PROS1: variants seen among roughly 807,000 people sequenced by gnomAD.
The protein encoded by PROS1 is protein S, also known as vitamin K-dependent protein S.
In PROS1, 29 loss-of-function variants were observed where a neutral mutation model predicts 75.9. The ratio of observed to expected loss-of-function variants is 0.38; its 90% CI spans 0.28 to 0.52. The LOEUF is 0.52. Among genes scored for constraint, PROS1 ranks in the 20% least tolerant of loss-of-function variants. PROS1 has a pLI of 0.83. For synonymous variants in PROS1, 245 were observed against 280.6 expected, an observed-to-expected ratio of 0.87 and a Z score of 1.27; for missense variants, 680 against 810.3, an observed-to-expected ratio of 0.84 and a Z score of 1.95.
In PROS1 at chr3:93,906,966, G is replaced by C. The variant is rs578112640; in HGVS notation, c.347-823C>G. Among the ~76,000 whole-genome samples the C allele has an allele frequency of 2.6e-5, 4 of 152,336 alleles. No individual in the cohort carries two copies. In the South Asian group the frequency reaches 8.3e-4, roughly 32 times the overall value. On this transcript the variant is annotated intron_variant, in intron 4 of 14. Coordinates refer to ENST00000394236, the MANE Select transcript of PROS1 (RefSeq NM_000313.4). ...GGAGCTGAGGGGCATGCTGAGGGCA[G>C]CTCAGTGCTGGCCTGCAGGCACCCC...
intron 14 of PROS1, among the ~76,000 whole-genome samples, chr3:93,876,204 C>T (rs561806196): frequency 6.6e-6 from 1 of 152,280 alleles, no homozygotes; most frequent in South Asian, 2.1e-4. Context: ...TAGCACTTAC[C>T]TCACTGGACT....
intron 1 of PROS1, among the ~76,000 whole-genome samples, chr3:93,945,115 G>A (rs1016778910): frequency 6.6e-6 from 1 of 151,908 alleles, no homozygotes; most frequent in African/African-American, 2.4e-5. Context: ...AGAAGAAGTT[G>A]AATCTCTGAA....
intron 12 of PROS1, among the ~76,000 whole-genome samples, chr3:93,880,499 C>CT (rs1708260827): frequency 6.6e-6 from 1 of 151,738 alleles, no homozygotes; most frequent in Non-Finnish European, 1.5e-5. Flanking sequence ...GAGTGAGACT[C>CT]TGTCTCCAAA....
chr3:93,924,656 G>T (rs530770687), intron 2 of PROS1, among the ~76,000 whole-genome samples: 2 of 148,162 alleles, frequency 1.3e-5, no homozygotes, highest in East Asian at 3.9e-4. Flanking sequence ...TCACAGTAAC[G>T]TACTCTCTTT....
At chr3:93,929,782 T>A (rs1468493582) in intron 1 of PROS1, among the ~76,000 whole-genome samples, 14 of 152,270 alleles carry the variant, frequency 9.2e-5, no homozygotes, top group Admixed American at 8.5e-4. Context: ...TATTTTAGCA[T>A]GTTAATACAG....
intron 1 of PROS1, among the ~76,000 whole-genome samples, chr3:93,934,114 A>G (rs1358811636): frequency 6.6e-6 from 1 of 151,294 alleles, no homozygotes; most frequent in Non-Finnish European, 1.5e-5. Flanking sequence ...CAGGAGGCGG[A>G]GGCTGGAGTG....
At chr3:93,882,807 TG>T (rs1197209693) in intron 12 of PROS1, among the ~76,000 whole-genome samples, 9 of 152,052 alleles carry the variant, frequency 5.9e-5, no homozygotes, top group Admixed American at 1.3e-4. Context: ...TCTCTTAATA[TG>T]GTCCTGAAAG....
At chr3:93,907,310 A>T (rs1708690807) in intron 4 of PROS1, among the ~76,000 whole-genome samples, 4 of 152,060 alleles carry the variant, frequency 2.6e-5, no homozygotes, top group African/African-American at 7.2e-5. Context: ...CCTCCCATGT[A>T]CTGGGAGCTG....
At chr3:93,892,247 T>A (rs934628183) in intron 10 of PROS1, among the ~76,000 whole-genome samples, 1 of 152,054 alleles carries the variant, frequency 6.6e-6, no homozygotes, top group Non-Finnish European at 1.5e-5. Context: ...CAAGAATCTC[T>A]TGAACCTAGT....
At position 93,885,955 on chromosome 3, in the gene PROS1, T is replaced by C. The variant is rs1254554856; in HGVS notation, c.1323+381A>G. Among the ~76,000 whole-genome samples the C allele has an allele frequency of 5.3e-5, 8 of 152,282 alleles. No individual in the cohort carries two copies. The East Asian group carries it at 1.5e-3, about 29-fold the overall frequency. Reference sequence around the variant, plus strand: ...AGTCCTTTGACTGGCTTTTACAAAATGGTGTAATTTTGGACTTAAATATAT... The same window carrying C: ...AGTCCTTTGACTGGCTTTTACAAAACGGTGTAATTTTGGACTTAAATATAT... On this transcript the variant is annotated intron_variant, in intron 11 of 14. Coordinates refer to ENST00000394236, the MANE Select transcript of PROS1 (RefSeq NM_000313.4).
chr3:93,973,512 C>T, intron 1 of PROS1, 162 bp downstream of exon 1: 1 of 716,522 alleles, frequency 1.4e-6, no homozygotes, highest in Non-Finnish European at 2.5e-6. Flanking sequence ...CATTGCACTG[C>T]CTGCTCTATC....
At chr3:93,904,647 A>G (rs1326332788) in intron 6 of PROS1, among the ~76,000 whole-genome samples, 3 of 152,148 alleles carry the variant, frequency 2.0e-5, no homozygotes, top group African/African-American at 4.8e-5. Context: ...GCAAACAAAA[A>G]GTACTGGAGG....
Position 93,973,823 on chromosome 3 carries a change from G to A in PROS1, c.-74C>T, listed in dbSNP as rs2107279521. The A allele has an allele frequency of 7.5e-7, 1 of 1,333,972 alleles. No individual in the cohort carries two copies. The highest frequency in any genetic ancestry group is 1.4e-5 in the South Asian group (1 of 73,608). The allele number at this position is 1,333,972 out of a possible 1,614,324, so 82.6% of individuals were successfully genotyped here. ...GGACCGGAGCGCTAGGCGCCGCGGA[G>A]CTGCGAGCCTGTGCGCCTCGGTCTG... On this transcript the variant is annotated 5_prime_UTR_variant, in exon 1 of 15. Coordinates refer to ENST00000394236, the MANE Select transcript of PROS1 (RefSeq NM_000313.4).
At chr3:93,907,405 G>T (rs975460593) in intron 4 of PROS1, among the ~76,000 whole-genome samples, 1 of 152,128 alleles carries the variant, frequency 6.6e-6, no homozygotes, top group Non-Finnish European at 1.5e-5. Flanking sequence ...ACAACCAGCT[G>T]CAGACAGGAG....
At chr3:93,879,850 T>C (rs1708250417) in intron 12 of PROS1, among the ~76,000 whole-genome samples, 1 of 152,192 alleles carries the variant, frequency 6.6e-6, no homozygotes. Context: ...TTTGTGAATC[T>C]CTTGTCATAA....
At chr3:93,882,278 TC>T in intron 12 of PROS1, among the ~76,000 whole-genome samples, 1 of 152,330 alleles carries the variant, frequency 6.6e-6, no homozygotes, top group Middle Eastern at 3.4e-3. Flanking sequence ...AAAATTTTCT[TC>T]CATAGAATTA....
At chr3:93,949,402 G>A (rs555288045) in intron 1 of PROS1, among the ~76,000 whole-genome samples, 1 of 152,108 alleles carries the variant, frequency 6.6e-6, no homozygotes, top group Admixed American at 6.5e-5. Flanking sequence ...TGGGATGGGA[G>A]AGACATTCCT....
chr3:93,879,985 GAATT>G (rs1708252153), intron 12 of PROS1, among the ~76,000 whole-genome samples: 1 of 152,058 alleles, frequency 6.6e-6, no homozygotes, highest in Non-Finnish European at 1.5e-5. Flanking sequence ...GATATTTGTT[GAATT>G]AATATGTTTC....
At chr3:93,949,164 A>G (rs1386406499) in intron 1 of PROS1, among the ~76,000 whole-genome samples, 1 of 152,164 alleles carries the variant, frequency 6.6e-6, no homozygotes. Flanking sequence ...CAGGACCAAG[A>G]ATCATTCTCA....
Sources: allele counts gnomAD v4.1 joint callset (sites outside exome capture counted in the v4.1 genomes callset), GRCh38; gene constraint gnomAD v4.1.1; transcripts MANE v1.5; gene names NCBI Gene and HGNC (gene_info 2026-07-23, HGNC 2026-07-21).